Variants in ZNF488 observed in about 807,000 individuals in gnomAD.
ZNF488 encodes the protein zinc finger protein 488.
A neutral mutation model predicts 1.2 loss-of-function variants in ZNF488; 1 was observed. That is an observed-to-expected ratio of 0.86 (90% CI 0.30 to 4.07). The LOEUF (loss-of-function observed/expected upper bound fraction) is 4.07, where lower values mean the gene tolerates loss of function less well. Among genes scored for constraint, ZNF488 ranks in the 30% most tolerant of loss-of-function variants. The probability of loss-of-function intolerance (pLI) is 0.18; values close to 1 mark genes in which losing one functional copy is unlikely to be tolerated. For missense variants in ZNF488, 450 were observed against 437.9 expected, an observed-to-expected ratio of 1.03 and a Z score of -0.25; for synonymous variants, 185 against 190.1, an observed-to-expected ratio of 0.97 and a Z score of 0.22.
Position 47,368,925 on chromosome 10 carries a change from C to G in ZNF488, c.-96G>C. ...CCCATGACACTGGGCTGGACACACTCGGCCACAGGGCCCTGCAGAGAGAGG... is the reference window on the plus strand; with the variant it reads ...CCCATGACACTGGGCTGGACACACTGGGCCACAGGGCCCTGCAGAGAGAGG... On this transcript the variant is annotated 5_prime_UTR_variant, in exon 2 of 2. Transcript: ENST00000585316. The G allele has an allele frequency of 3.5e-6, 5 of 1,427,930 alleles. No individual in the cohort carries two copies. Among genetic ancestry groups the G allele is most frequent in the Non-Finnish European group, 4.7e-6 (5 of 1,060,098 alleles). 88.5% of individuals were successfully genotyped at this position (1,427,930 alleles called of 1,614,324 possible).
intron 1 of ZNF488, among the ~76,000 whole-genome samples, chr10:47,377,577 C>G (rs1259715198): frequency 1.3e-5 from 2 of 150,656 alleles, no homozygotes; most frequent in Non-Finnish European, 3.0e-5. Flanking sequence ...AGCTGCCACC[C>G]AGAGATGCCG....
At chr10:47,371,648 G>T (rs2132285409) in intron 1 of ZNF488, among the ~76,000 whole-genome samples, 1 of 152,046 alleles carries the variant, frequency 6.6e-6, no homozygotes, top group African/African-American at 2.4e-5. Flanking sequence ...TGTTTTAAAG[G>T]CGGCAGTGCC....
At position 47,367,520 on chromosome 10, in the gene ZNF488, G is replaced by T; in HGVS notation, c.*287C>A. On this transcript the variant is annotated 3_prime_UTR_variant, in exon 2 of 2. Coordinates refer to ENST00000585316, the MANE Select transcript of ZNF488 (RefSeq NM_153034.4). The stretch of plus-strand genomic sequence containing the variant: ...CCCAGATTCGAATCCAGGCTTGTGT[G>T]CCTCCAAAGCCCATGATGTGTGCCA... 2.2e-6 allele frequency: 1 copy of T among 456,936 alleles called. No individual in the cohort carries two copies. The allele number at this position is 456,936 out of a possible 1,614,324, so 28.3% of individuals were successfully genotyped here.
intron 1 of ZNF488, among the ~76,000 whole-genome samples, chr10:47,370,388 C>T (rs1203580893): frequency 6.6e-6 from 1 of 152,246 alleles, no homozygotes; most frequent in Non-Finnish European, 1.5e-5. Flanking sequence ...CCAGTGAGAA[C>T]CCACCCAGCT....
chr10:47,382,586 T>A (rs1190120559), intron 1 of ZNF488, among the ~76,000 whole-genome samples: 3 of 152,240 alleles, frequency 2.0e-5, no homozygotes, highest in African/African-American at 7.2e-5. Flanking sequence ...CCGCATATGT[T>A]GGGGATCAGG....
In ZNF488 at chr10:47,367,716, G is replaced by A. The variant is rs782403166; in HGVS notation, c.*91C>T. Reference sequence around the variant, plus strand: ...TGCCAAAAGCAGCAGCTCTGCAAAGGACCATGACAGCCCCCTCAACGCAGG... The same window carrying A: ...TGCCAAAAGCAGCAGCTCTGCAAAGAACCATGACAGCCCCCTCAACGCAGG... On this transcript the variant is annotated 3_prime_UTR_variant, in exon 2 of 2. Coordinates refer to ENST00000585316, the MANE Select transcript of ZNF488 (RefSeq NM_153034.4). The A allele has an allele frequency of 1.4e-5, 20 of 1,431,744 alleles. No homozygotes were observed. The Admixed American group carries it at 2.3e-4, about 16-fold the overall frequency. The allele number at this position is 1,431,744 out of a possible 1,614,324, so 88.7% of individuals were successfully genotyped here. A position where few individuals can be genotyped will look rare whatever the true frequency, so the allele number is the denominator to read the frequency against.
Position 47,367,851 on chromosome 10 carries a change from G to A in ZNF488, c.979C>T (p.Arg327Trp), listed in dbSNP as rs201761137. The A allele has an allele frequency of 7.0e-5, 113 of 1,613,582 alleles. No homozygotes were observed. Among genetic ancestry groups the A allele is most frequent in the Non-Finnish European group, 8.6e-5 (101 of 1,179,952 alleles). ...TGCCGGGAGAGGTGGTGGCGCTCCC[G>A]GAAGTGCTCCTGGCACACAGGGCAG... ...LACPVCQEHFRERHHLSRHMT... is the reference protein window; with the variant it reads ...LACPVCQEHFWERHHLSRHMT... Residue 327 changes from arginine to tryptophan, a missense_variant, in exon 2 of 2, where the codon CGG becomes TGG. Physicochemically the swap from Arg to Trp is moderately radical, Grantham distance 101. Coordinates refer to ENST00000585316, the MANE Select transcript of ZNF488 (RefSeq NM_153034.4).
At chr10:47,382,552 G>T (rs904913884) in intron 1 of ZNF488, among the ~76,000 whole-genome samples, 4 of 152,118 alleles carry the variant, frequency 2.6e-5, no homozygotes, top group Non-Finnish European at 5.9e-5. Context: ...CATTTGCAAA[G>T]TCTTTTATCC....
At chr10:47,375,295 T>G (rs1565783221) in intron 1 of ZNF488, among the ~76,000 whole-genome samples, 1 of 152,224 alleles carries the variant, frequency 6.6e-6, no homozygotes, top group Non-Finnish European at 1.5e-5. Flanking sequence ...TTCCTAGTCA[T>G]TCTACTACAC....
chr10:47,376,505 G>A (rs1372784805), intron 1 of ZNF488, among the ~76,000 whole-genome samples: 1 of 152,152 alleles, frequency 6.6e-6, no homozygotes, highest in Non-Finnish European at 1.5e-5. Flanking sequence ...GAGTTAGAGT[G>A]GGAGCCAGGA....
chr10:47,373,149 T>C (rs1837546566), intron 1 of ZNF488, among the ~76,000 whole-genome samples: 2 of 152,186 alleles, frequency 1.3e-5, no homozygotes, highest in Non-Finnish European at 2.9e-5. Context: ...GCTCTAGTGC[T>C]TGGCAAGTAA....
At chr10:47,375,760 C>T (rs1837655360) in intron 1 of ZNF488, among the ~76,000 whole-genome samples, 1 of 152,150 alleles carries the variant, frequency 6.6e-6, no homozygotes, top group Non-Finnish European at 1.5e-5. Flanking sequence ...CAGCTACATG[C>T]TGAGAACCAG....
chr10:47,380,194 G>A (rs1306419524), intron 1 of ZNF488, among the ~76,000 whole-genome samples: 3 of 152,278 alleles, frequency 2.0e-5, no homozygotes, highest in African/African-American at 7.2e-5. Context: ...CTGTCATTGT[G>A]AGTGTCCTGG....
intron 1 of ZNF488, among the ~76,000 whole-genome samples, chr10:47,376,317 T>A (rs1837681646): frequency 6.6e-6 from 1 of 151,856 alleles, no homozygotes; most frequent in South Asian, 2.1e-4. Context: ...ACAGGCAAAG[T>A]CCTAGTGGAA....
chr10:47,370,907 GT>G (rs1837444180), intron 1 of ZNF488, among the ~76,000 whole-genome samples: 1 of 152,186 alleles, frequency 6.6e-6, no homozygotes, highest in African/African-American at 2.4e-5. Context: ...TCCCTCTTCC[GT>G]TCATTCCGCA....
In ZNF488 at chr10:47,368,052, C is replaced by T. The variant is rs199586477; in HGVS notation, c.778G>A (p.Ala260Thr). The change falls in exon 2 of 2, where the codon GCC becomes ACC. Residue 260 changes from alanine (A) to threonine (T), a missense_variant. Coordinates refer to ENST00000585316, the MANE Select transcript of ZNF488 (RefSeq NM_153034.4). The part of the protein sequence containing the change: ...PPSSSSTTSW[A>T]LLPPTLTSLG... ...GAGGTGAGGGTGGGTGGCAGGAGGGCCCACGAAGTGGTGGAGGATGATGAG... is the reference window on the plus strand; with the variant it reads ...GAGGTGAGGGTGGGTGGCAGGAGGGTCCACGAAGTGGTGGAGGATGATGAG... The T allele has an allele frequency of 3.2e-4, 520 of 1,613,952 alleles. 1 individual carries two copies. The East Asian group carries it at 6.0e-3, about 19-fold the overall frequency.
rs552899882 is a variant in ZNF488, at chr10:47,383,710, C to A, written c.-109+510G>T. The stretch of plus-strand genomic sequence containing the variant: ...GGATATAATCTGTTGGAGAAAGGAT[C>A]TGGGGCTGATGCATGGTTCTTACCC... On this transcript the variant is annotated intron_variant, in intron 1 of 1. Transcript: ENST00000585316. Among the ~76,000 whole-genome samples, 4 of 152,318 alleles carry A rather than the reference C, an allele frequency of 2.6e-5. No individual in the cohort carries two copies. The South Asian group carries it at 6.2e-4, about 24-fold the overall frequency.
At chr10:47,379,656 CATGACTTG>C (rs1837837357) in intron 1 of ZNF488, among the ~76,000 whole-genome samples, 1 of 152,290 alleles carries the variant, frequency 6.6e-6, no homozygotes, top group Non-Finnish European at 1.5e-5. Flanking sequence ...GTGAGGCTGG[CATGACTTG>C]TCCCCAGGGA....
At chr10:47,371,495 C>A (rs1837465297) in intron 1 of ZNF488, among the ~76,000 whole-genome samples, 1 of 151,932 alleles carries the variant, frequency 6.6e-6, no homozygotes, top group Non-Finnish European at 1.5e-5. Context: ...CATAATATAC[C>A]ATATAATACA....
Sources: gnomAD v4.1 joint callset for allele counts (sites outside exome capture counted in the v4.1 genomes callset) on GRCh38, gnomAD v4.1.1 for gene constraint, MANE v1.5 for transcripts, NCBI Gene and HGNC (gene_info 2026-07-23, HGNC 2026-07-21) for gene names.